The following TUB variants were observed in gnomAD, a reference collection of about 807,000 sequenced individuals.
The protein encoded by TUB is tubby protein homolog.
A neutral mutation model predicts 59.7 loss-of-function variants in TUB; 33 were observed. The ratio of observed to expected loss-of-function variants is 0.55; its 90% CI spans 0.42 to 0.74. The LOEUF (loss-of-function observed/expected upper bound fraction) is 0.74. Among genes scored for constraint, TUB ranks in the 30% least tolerant of loss-of-function variants. The pLI is 0.00. For synonymous variants in TUB, 293 were observed against 256.4 expected, an observed-to-expected ratio of 1.14 and a Z score of -1.36; for missense variants, 659 against 672.0, an observed-to-expected ratio of 0.98 and a Z score of 0.21.
intron 2 of TUB, among the ~76,000 whole-genome samples, chr11:8,072,094 A>G (rs1414345013): frequency 6.6e-6 from 1 of 152,204 alleles, no homozygotes; most frequent in East Asian, 1.9e-4. Context: ...ACACAGAGAC[A>G]TGGAGAGCAG....
chr11:8,023,180 G>C (rs1216151291), intron 1 of TUB, among the ~76,000 whole-genome samples: 1 of 152,210 alleles, frequency 6.6e-6, no homozygotes, highest in African/African-American at 2.4e-5. Context: ...AGGGATTCCA[G>C]TGAGACAGCA....
rs1485839457 is a variant in TUB at position 8,105,089 on chromosome 11, GC to G, written c.*3471del. 1 of 152,244 alleles carries G rather than the reference GC, an allele frequency of 6.6e-6. No homozygotes were observed. The highest frequency in any genetic ancestry group is 1.5e-5 in the Non-Finnish European group (1 of 68,046). 9.4% of individuals were successfully genotyped at this position (152,244 alleles called of 1,614,324 possible). A position where few individuals can be genotyped will look rare whatever the true frequency, so the allele number is the denominator to read the frequency against. Reference sequence around the variant, plus strand: ...AATGGAGTCTGCAGTGAGGGGAGATGCTGGGATAGCCATTTCCATGGCTCTG... The same window carrying G: ...AATGGAGTCTGCAGTGAGGGGAGATGTGGGATAGCCATTTCCATGGCTCTG... On this transcript the variant is annotated 3_prime_UTR_variant, in exon 12 of 12. Coordinates refer to ENST00000299506, the MANE Select transcript of TUB (RefSeq NM_177972.3).
chr11:8,041,328 C>T (rs1386747909), intron 2 of TUB, among the ~76,000 whole-genome samples: 1 of 152,146 alleles, frequency 6.6e-6, no homozygotes, highest in East Asian at 1.9e-4. Flanking sequence ...GATGTTTCCC[C>T]CATGGTGACA....
At chr11:8,057,549 G>A (rs575399799) in intron 2 of TUB, among the ~76,000 whole-genome samples, 2 of 152,220 alleles carry the variant, frequency 1.3e-5, no homozygotes, top group Admixed American at 6.5e-5. Flanking sequence ...ACTAAGATTC[G>A]AGTCCTGAAG....
At position 8,094,158 on chromosome 11, in the gene TUB, C is replaced by T. The variant is rs546088028; in HGVS notation, c.366C>T (p.Ala122=). Residue 122 remains alanine, a synonymous_variant, in exon 4 of 12, where the codon GCC becomes GCT. Transcript: ENST00000299506. ...AAATAGGQGG[A]ARKEKKGKHK... ...CTACAGCAGGGGGCCAGGGTGGCGC[C>T]GCTAGGAAGGAGAAGAAGGGAAAGC... is the stretch of plus-strand genomic sequence containing the variant. 9.9e-6 allele frequency: 16 copies of T among 1,613,842 alleles called. No individual in the cohort carries two copies. Among genetic ancestry groups the T allele is most frequent in the East Asian group, 2.2e-5 (1 of 44,872 alleles).
At chr11:8,086,996 G>T (rs757605942) in intron 1 of TUB, among the ~76,000 whole-genome samples, 4 of 152,238 alleles carry the variant, frequency 2.6e-5, no homozygotes, top group Non-Finnish European at 5.9e-5. Flanking sequence ...GGAAATGGAG[G>T]TGGAGGCAGA....
chr11:8,051,621 C>T (rs1195924533), intron 2 of TUB, among the ~76,000 whole-genome samples: 1 of 152,144 alleles, frequency 6.6e-6, no homozygotes, highest in Non-Finnish European at 1.5e-5. Flanking sequence ...ATCTGAAGGG[C>T]CACCCTCACT....
Position 8,101,596 on chromosome 11 carries a change from GA to G in TUB, c.1499del (p.Asp500AlafsTer38). On this transcript the variant is annotated frameshift_variant, in exon 12 of 12. Transcript: ENST00000299506. LOFTEE classifies it high-confidence loss of function. ...CTTTGCCATTGCCCTGTCCAGCTTCGACAGCAAGCTGGCGTGCGAGTAGAGG... is the reference window on the plus strand; with the variant it reads ...CTTTGCCATTGCCCTGTCCAGCTTCGCAGCAAGCTGGCGTGCGAGTAGAGG... Reference protein sequence around the residue: ...QAFAIALSSFDSKLACE With the variant: ...QAFAIALSSFXSKLACE 1 of 1,614,190 alleles carries G rather than the reference GA, an allele frequency of 6.2e-7. No homozygotes were observed. Among genetic ancestry groups the G allele is most frequent in the East Asian group, 2.2e-5 (1 of 44,884 alleles).
chr11:8,023,101 T>A (rs1942453250), intron 1 of TUB, among the ~76,000 whole-genome samples: 1 of 152,190 alleles, frequency 6.6e-6, no homozygotes, highest in African/African-American at 2.4e-5. Flanking sequence ...CTAGAGCAGC[T>A]GGGCCTTCTC....
In TUB at chr11:8,105,499, T is replaced by C. The variant is rs1944524354; in HGVS notation, c.*3880T>C. 1 of 152,126 alleles carries C rather than the reference T, an allele frequency of 6.6e-6. No homozygotes were observed. The highest frequency in any genetic ancestry group is 2.4e-5 in the African/African-American group (1 of 41,434). 9.4% of individuals were successfully genotyped at this position (152,126 alleles called of 1,614,324 possible). A position where few individuals can be genotyped will look rare whatever the true frequency, so the allele number is the denominator to read the frequency against. Reference sequence around the variant, plus strand: ...AGATAGATTACGACAGGTTTGGTTTTTAAATTTTCCAACCAAGTGGAAAGG... The same window carrying C: ...AGATAGATTACGACAGGTTTGGTTTCTAAATTTTCCAACCAAGTGGAAAGG... On this transcript the variant is annotated 3_prime_UTR_variant, in exon 12 of 12. Coordinates refer to ENST00000299506, the MANE Select transcript of TUB (RefSeq NM_177972.3).
At chr11:8,036,904 TC>T (rs1430365007), upstream of TUB, among the ~76,000 whole-genome samples, 1 of 152,214 alleles carries the variant, frequency 6.6e-6, no homozygotes, top group Non-Finnish European at 1.5e-5. Context: ...TCACCTTTTT[TC>T]CTGGTCCACT....
upstream of TUB, among the ~76,000 whole-genome samples, chr11:8,034,543 C>T (rs1245540176): frequency 1.3e-5 from 2 of 152,184 alleles, no homozygotes; most frequent in Admixed American, 1.3e-4. Context: ...CAGAGTAAGA[C>T]TGGCATCGCT....
At chr11:8,099,404 G>C (rs1944154705) in intron 9 of TUB, among the ~76,000 whole-genome samples, 1 of 150,904 alleles carries the variant, frequency 6.6e-6, no homozygotes, top group Admixed American at 6.6e-5. Context: ...TTAAAATCAG[G>C]GGTGGGTATC....
chr11:8,049,577 A>ATATATATATATATC (rs2133750885), intron 2 of TUB, among the ~76,000 whole-genome samples: 1 of 46,122 alleles, frequency 2.2e-5, no homozygotes, highest in South Asian at 1.2e-3. Flanking sequence ...ATATATATAT[A>ATATATATATATATC]TATAGATAGA....
At chr11:8,054,987 T>A (rs1370602084) in intron 2 of TUB, among the ~76,000 whole-genome samples, 1 of 152,174 alleles carries the variant, frequency 6.6e-6, no homozygotes, top group Non-Finnish European at 1.5e-5. Context: ...AGAGTCACTC[T>A]GTCATGACTA....
chr11:8,042,963 T>G (rs1195807092), intron 2 of TUB, among the ~76,000 whole-genome samples: 1 of 152,224 alleles, frequency 6.6e-6, no homozygotes, highest in Non-Finnish European at 1.5e-5. Context: ...ATTTATCTAG[T>G]TTCCTTTTGT....
chr11:8,051,815 T>G (rs1250555930), intron 2 of TUB, among the ~76,000 whole-genome samples: 1 of 152,240 alleles, frequency 6.6e-6, no homozygotes, highest in Non-Finnish European at 1.5e-5. Context: ...AGTTTTCTTT[T>G]TTGTAATAAA....
chr11:8,103,597 C>T lies in TUB; in HGVS notation c.*1978C>T, dbSNP rs1183562118. 1 of 152,654 alleles carries T rather than the reference C, an allele frequency of 6.6e-6. No individual in the cohort carries two copies. The highest frequency in any genetic ancestry group is 1.5e-5 in the Non-Finnish European group (1 of 68,052). 9.5% of individuals were successfully genotyped at this position (152,654 alleles called of 1,614,324 possible). ...GTGAGAGACCCCCTCCAACGATTAG[C>T]TTTTGCAACATGGTCCAGTTTCTAG... On this transcript the variant is annotated 3_prime_UTR_variant, in exon 12 of 12. Coordinates refer to ENST00000299506, the MANE Select transcript of TUB (RefSeq NM_177972.3).
At chr11:8,033,533 A>G (rs1047343507) in intron 1 of TUB, among the ~76,000 whole-genome samples, 1 of 152,198 alleles carries the variant, frequency 6.6e-6, no homozygotes, top group Non-Finnish European at 1.5e-5. Context: ...AGTTCAGGAC[A>G]TATTGACCCC....
Sources: gnomAD v4.1 joint callset for allele counts (sites outside exome capture counted in the v4.1 genomes callset) on GRCh38, gnomAD v4.1.1 for gene constraint, MANE v1.5 for transcripts, NCBI Gene and HGNC (gene_info 2026-07-23, HGNC 2026-07-21) for gene names.